CDH13: variants seen among roughly 807,000 people sequenced by gnomAD.
CDH13 encodes cadherin 13.
In CDH13, 24 loss-of-function variants were observed where a neutral mutation model predicts 63.8. The ratio of observed to expected loss-of-function variants is 0.38; its 90% CI spans 0.27 to 0.53. CDH13 has a LOEUF of 0.53. Ranked by LOEUF, CDH13 falls within the 20% of genes least tolerant of loss-of-function variation. CDH13 has a pLI of 0.85. For missense variants in CDH13, 1,049 were observed against 903.1 expected (o/e 1.16, Z -2.07); for synonymous variants, 503 against 355.3 (o/e 1.42, Z -4.67).
intron 2 of CDH13, among the ~76,000 whole-genome samples, chr16:82,975,754 C>T (rs1292754623): frequency 6.6e-6 from 1 of 152,134 alleles, no homozygotes; most frequent in African/African-American, 2.4e-5. Context: ...AATCAGTTTC[C>T]ACATATTTAT....
chr16:82,680,858 G>A (rs1296671145), intron 1 of CDH13, among the ~76,000 whole-genome samples: 1 of 152,162 alleles, frequency 6.6e-6, no homozygotes, highest in South Asian at 2.1e-4. Context: ...GCCTAACCTG[G>A]GTGGTGGCCA....
intron 2 of CDH13, among the ~76,000 whole-genome samples, chr16:82,881,318 A>T (rs1224666069): frequency 6.6e-6 from 1 of 152,028 alleles, no homozygotes; most frequent in Admixed American, 6.6e-5. Context: ...TAGGAAGTTT[A>T]TTAGGGAGTA....
At chr16:83,734,067 GACCATCCATGT>G (rs1911299910) in intron 10 of CDH13, among the ~76,000 whole-genome samples, 1 of 152,066 alleles carries the variant, frequency 6.6e-6, no homozygotes, top group African/African-American at 2.4e-5. Context: ...CCCCTCCTGT[GACCATCCATGT>G]ACTCCAAATC....
intron 7 of CDH13, among the ~76,000 whole-genome samples, chr16:83,500,230 TCTC>T (rs1367097061): frequency 0.35 from 382 of 1,092 alleles, 128 homozygotes; most frequent in South Asian, 0.67. Flanking sequence ...GTTTCTTTCT[TCTC>T]CTTCTTCTTC....
chr16:83,617,190 G>C (rs1250336021), intron 8 of CDH13, among the ~76,000 whole-genome samples: 2 of 152,176 alleles, frequency 1.3e-5, no homozygotes, highest in African/African-American at 4.8e-5. Flanking sequence ...GCCAAGCACA[G>C]GGGCAACATC....
intron 7 of CDH13, among the ~76,000 whole-genome samples, chr16:83,536,354 C>T (rs193199326): frequency 5.8e-4 from 88 of 152,176 alleles, no homozygotes; most frequent in Middle Eastern, 3.4e-3. Flanking sequence ...GACCTGACCA[C>T]GGTAGTCATG....
chr16:83,382,439 G>A (rs2091586068), intron 6 of CDH13, among the ~76,000 whole-genome samples: 2 of 152,072 alleles, frequency 1.3e-5, no homozygotes, highest in South Asian at 4.1e-4. Context: ...ACCCCCTCAT[G>A]CTGATCCCCA....
chr16:83,392,193 A>G (rs564801880), intron 6 of CDH13, among the ~76,000 whole-genome samples: 1 of 152,160 alleles, frequency 6.6e-6, no homozygotes, highest in Admixed American at 6.5e-5. Flanking sequence ...CCACTGCCTC[A>G]TAGCTTCGTG....
intron 6 of CDH13, among the ~76,000 whole-genome samples, chr16:83,357,966 T>C (rs1298720688): frequency 1.3e-5 from 2 of 152,172 alleles, no homozygotes; most frequent in African/African-American, 2.4e-5. Flanking sequence ...TGTTATCTCA[T>C]TGACTTGCCA....
chr16:83,710,816 C>G (rs796469940), intron 10 of CDH13, among the ~76,000 whole-genome samples: 2 of 152,072 alleles, frequency 1.3e-5, no homozygotes, highest in African/African-American at 4.8e-5. Flanking sequence ...TTATTCGGAA[C>G]GGGAGAGGGC....
chr16:82,890,462 A>T (rs1014311849), intron 2 of CDH13, among the ~76,000 whole-genome samples: 2 of 152,148 alleles, frequency 1.3e-5, no homozygotes, highest in Non-Finnish European at 2.9e-5. Context: ...GGAATAAATA[A>T]TTGAGGCAGG....
chr16:82,727,622 C>G (rs543642520), intron 1 of CDH13: 2 of 152,254 alleles, frequency 1.3e-5, no homozygotes, highest in Admixed American at 6.5e-5. Context: ...CCTCCTTGCT[C>G]ATATCATTTA....
chr16:82,966,595 A>T (rs1275599802), intron 2 of CDH13, among the ~76,000 whole-genome samples: 2 of 152,228 alleles, frequency 1.3e-5, no homozygotes, highest in African/African-American at 4.8e-5. Flanking sequence ...TCTGTCTTTT[A>T]TAATACACAG....
At chr16:83,495,744 C>T (rs921571039) in intron 7 of CDH13, among the ~76,000 whole-genome samples, 1 of 152,118 alleles carries the variant, frequency 6.6e-6, no homozygotes, top group Non-Finnish European at 1.5e-5. Flanking sequence ...TGAAAGCCCT[C>T]TTTTGAGACT....
At chr16:82,715,219 C>T (rs1045156183) in intron 1 of CDH13, among the ~76,000 whole-genome samples, 1 of 151,684 alleles carries the variant, frequency 6.6e-6, no homozygotes, top group African/African-American at 2.4e-5. Flanking sequence ...TCCTGAGTAT[C>T]AGGAGAAGCT....
At chr16:82,695,311 T>G (rs750536250) in intron 1 of CDH13, among the ~76,000 whole-genome samples, 8 of 152,222 alleles carry the variant, frequency 5.3e-5, no homozygotes, top group Non-Finnish European at 2.9e-5. Flanking sequence ...TAATATAAAT[T>G]ATTTGAAAGC....
intron 6 of CDH13, among the ~76,000 whole-genome samples, chr16:83,351,468 G>A (rs771762325): frequency 3.3e-5 from 5 of 152,122 alleles, no homozygotes; most frequent in Admixed American, 6.5e-5. Flanking sequence ...AGATGCAGGT[G>A]CACAGTTTTA....
At chr16:82,684,951 ACC>A (rs756435132) in intron 1 of CDH13, among the ~76,000 whole-genome samples, 11,663 of 152,194 alleles carry the variant, frequency 0.077, 496 homozygotes, top group Middle Eastern at 0.18. Flanking sequence ...GAGTAAATTC[ACC>A]TATTTAATGT....
intron 1 of CDH13, chr16:82,704,972 GTC>G (rs2031365633): frequency 2.8e-6 from 1 of 353,646 alleles, no homozygotes; most frequent in Non-Finnish European, 5.6e-6. Flanking sequence ...GGGAGACAAT[GTC>G]TCTTGCTGCT....
Sources: allele counts gnomAD v4.1 joint callset (sites outside exome capture counted in the v4.1 genomes callset), GRCh38; gene constraint gnomAD v4.1.1; transcripts MANE v1.5; gene names NCBI Gene and HGNC (gene_info 2026-07-23, HGNC 2026-07-21).